The following SLCO1A2 variants were observed in gnomAD, a reference collection of about 807,000 sequenced individuals.
The protein encoded by SLCO1A2 is solute carrier organic anion transporter family member 1A2.
In SLCO1A2, 67 loss-of-function variants were observed where a neutral mutation model predicts 69.0. The observed-to-expected ratio is 0.97, with a 90% CI of 0.80 to 1.19. The LOEUF (loss-of-function observed/expected upper bound fraction) is 1.19. Ranked by LOEUF, SLCO1A2 falls within the 50% of genes most tolerant of loss-of-function variation. The pLI is 0.00. For synonymous variants in SLCO1A2, 260 were observed against 265.9 expected (o/e 0.98, Z 0.22); for missense variants, 787 against 793.7 (o/e 0.99, Z 0.10).
Position 21,275,360 on chromosome 12 carries a change from C to A in SLCO1A2, c.1675G>T (p.Ala559Ser), listed in dbSNP as rs1241408346. The A allele has an allele frequency of 6.4e-7, 1 of 1,554,042 alleles. No homozygotes were observed. ...GLHTFCTRVF[A>S]GIPAPIYFGA... Reference sequence around the variant, plus strand: ...TGTGGGAAAAAATAACTATTTTTACCAAATACTCTTGTGCAAAATGTATGT... The same window carrying A: ...TGTGGGAAAAAATAACTATTTTTACAAAATACTCTTGTGCAAAATGTATGT... The change falls in exon 13 of 15, where the codon GCT becomes TCT. Residue 559 changes from alanine to serine, a missense_variant and splice_region_variant. Transcript: ENST00000683939.
At chr12:21,316,642 C>G (rs747925988) in intron 3 of SLCO1A2, among the ~76,000 whole-genome samples, 4 of 150,982 alleles carry the variant, frequency 2.6e-5, no homozygotes, top group Admixed American at 6.6e-5. Context: ...CATTCCTTCT[C>G]TTAACATAGA....
At chr12:21,404,609 AC>A (rs1941792270) in intron 1 of SLCO1A2, among the ~76,000 whole-genome samples, 1 of 152,022 alleles carries the variant, frequency 6.6e-6, no homozygotes, top group African/African-American at 2.4e-5. Flanking sequence ...GTGTATATAT[AC>A]CACATTTTCT....
intron 2 of SLCO1A2, among the ~76,000 whole-genome samples, chr12:21,351,770 T>A (rs1209736615): frequency 1.3e-5 from 2 of 148,402 alleles, no homozygotes; most frequent in Admixed American, 6.7e-5. Context: ...AAGAGCAAAA[T>A]TCCGTCTCAA....
upstream of SLCO1A2, among the ~76,000 whole-genome samples, chr12:21,396,784 T>C (rs1365246487): frequency 2.0e-5 from 3 of 151,180 alleles, no homozygotes; most frequent in African/African-American, 7.3e-5. Flanking sequence ...GCTTCATAAG[T>C]GAAGGAGAAA....
chr12:21,300,350 T>G lies in SLCO1A2; in HGVS notation c.908A>C (p.Lys303Thr). The change falls in exon 8 of 15, where the codon AAA (lysine) becomes ACA (threonine). Residue 303 changes from lysine (K) to threonine (T), a missense_variant and splice_region_variant. Transcript: ENST00000683939. The stretch of plus-strand genomic sequence containing the variant: ...GTATTTAGAATATGTATATTTGCCT[T>G]TAGTGATTCCATATTTTTCCTTCTT... ...EVKKEKYGIT[K>T]DFLPFMKSLS... The G allele has an allele frequency of 6.3e-7, 1 of 1,597,268 alleles. No individual in the cohort carries two copies. Among genetic ancestry groups the G allele is most frequent in the Non-Finnish European group, 8.6e-7 (1 of 1,166,012 alleles).
At chr12:21,299,890 GTA>G (rs35059155) in intron 8 of SLCO1A2, among the ~76,000 whole-genome samples, 102,806 of 141,036 alleles carry the variant, frequency 0.73, 39,639 homozygotes, top group Non-Finnish European at 0.85. Context: ...ATATATACGT[GTA>G]TATATATATA....
At chr12:21,321,363 C>A (rs1951599056) in intron 2 of SLCO1A2, among the ~76,000 whole-genome samples, 1 of 152,194 alleles carries the variant, frequency 6.6e-6, no homozygotes, top group Non-Finnish European at 1.5e-5. Flanking sequence ...TATGTATGAA[C>A]AGTTTAGCTC....
At chr12:21,414,068 C>T (rs911294801) in intron 1 of SLCO1A2, among the ~76,000 whole-genome samples, 1 of 120,852 alleles carries the variant, frequency 8.3e-6, no homozygotes, top group Non-Finnish European at 1.8e-5. Context: ...ATATCCCCAA[C>T]CTATATAAGC....
chr12:21,407,703 G>C (rs182172096), intron 1 of SLCO1A2, among the ~76,000 whole-genome samples: 6 of 152,122 alleles, frequency 3.9e-5, no homozygotes, highest in Admixed American at 3.9e-4. Flanking sequence ...CCCTACTCAG[G>C]AGGCTGAGCT....
intron 2 of SLCO1A2, among the ~76,000 whole-genome samples, chr12:21,367,545 T>C (rs553414676): frequency 6.6e-6 from 1 of 152,224 alleles, no homozygotes; most frequent in Non-Finnish European, 1.5e-5. Context: ...TATCATATTT[T>C]ATCATTCTCT....
At chr12:21,396,202 G>A (rs975903962), upstream of SLCO1A2, among the ~76,000 whole-genome samples, 1 of 149,972 alleles carries the variant, frequency 6.7e-6, no homozygotes, top group African/African-American at 2.4e-5. Flanking sequence ...TGAAAACCAA[G>A]GCTCGAGAAC....
At chr12:21,335,546 A>T (rs1952854931), upstream of SLCO1A2, among the ~76,000 whole-genome samples, 1 of 152,048 alleles carries the variant, frequency 6.6e-6, no homozygotes, top group Non-Finnish European at 1.5e-5. Flanking sequence ...AATAATTTGT[A>T]TCAAAACCAA....
chr12:21,380,081 T>C (rs1485449419), intron 1 of SLCO1A2: 1 of 152,188 alleles, frequency 6.6e-6, no homozygotes, highest in Non-Finnish European at 1.5e-5. Flanking sequence ...CAAACTTATT[T>C]GAAAAATTTC....
intron 1 of SLCO1A2, among the ~76,000 whole-genome samples, chr12:21,383,341 T>A (rs1472330685): frequency 1.3e-5 from 2 of 152,188 alleles, no homozygotes. Flanking sequence ...GCCGACTAAG[T>A]AGACCCACAT....
At chr12:21,360,779 T>G (rs1220474172) in intron 2 of SLCO1A2, among the ~76,000 whole-genome samples, 2 of 152,198 alleles carry the variant, frequency 1.3e-5, no homozygotes, top group African/African-American at 4.8e-5. Flanking sequence ...CCACGGAGGC[T>G]CGCTCACTGC....
intron 12 of SLCO1A2, among the ~76,000 whole-genome samples, chr12:21,285,505 T>G (rs1464750276): frequency 6.5e-5 from 9 of 138,192 alleles, no homozygotes; most frequent in Non-Finnish European, 9.3e-5. Flanking sequence ...CTAACTCATT[T>G]TATGAGGCCA....
intron 1 of SLCO1A2, among the ~76,000 whole-genome samples, chr12:21,376,777 C>T (rs1940226584): frequency 6.6e-6 from 1 of 151,916 alleles, no homozygotes; most frequent in South Asian, 2.1e-4. Context: ...GAGATAAATC[C>T]ATTGCATTTG....
intron 1 of SLCO1A2, among the ~76,000 whole-genome samples, chr12:21,417,074 G>A (rs1298918543): frequency 6.6e-6 from 1 of 152,010 alleles, no homozygotes; most frequent in Non-Finnish European, 1.5e-5. Flanking sequence ...GCACACAGTG[G>A]TACTCAATGT....
intron 12 of SLCO1A2, among the ~76,000 whole-genome samples, chr12:21,284,378 C>T (rs918859087): frequency 6.6e-6 from 1 of 152,164 alleles, no homozygotes; most frequent in East Asian, 1.9e-4. Flanking sequence ...TAGGGAGTGC[C>T]AGACAGTGGG....
Sources: gnomAD v4.1 joint callset for allele counts (sites outside exome capture counted in the v4.1 genomes callset) on GRCh38, gnomAD v4.1.1 for gene constraint, MANE v1.5 for transcripts, NCBI Gene and HGNC (gene_info 2026-07-23, HGNC 2026-07-21) for gene names.